Variants in UBP1 observed in about 807,000 individuals in gnomAD.
UBP1 encodes the protein upstream binding protein 1, also known as upstream-binding protein 1.
A neutral mutation model predicts 76.1 loss-of-function variants in UBP1; 22 were observed. The ratio of observed to expected loss-of-function variants is 0.29; its 90% confidence interval spans 0.21 to 0.41. UBP1 has a LOEUF of 0.41. UBP1 is among the 10% of genes least tolerant of loss of function. The pLI is 1.00. For missense variants in UBP1, 436 were observed against 668.1 expected (o/e 0.65, Z 3.83); for synonymous variants, 224 against 237.1 (o/e 0.94, Z 0.51).
chr3:33,398,702 C>T (rs1331980070), intron 11 of UBP1, among the ~76,000 whole-genome samples: 1 of 152,190 alleles, frequency 6.6e-6, no homozygotes, highest in Non-Finnish European at 1.5e-5. Context: ...GTGATCACTG[C>T]TCACAGCGAA....
chr3:33,408,023 G>C (rs1473566456), intron 8 of UBP1, among the ~76,000 whole-genome samples: 1 of 152,198 alleles, frequency 6.6e-6, no homozygotes, highest in African/African-American at 2.4e-5. Flanking sequence ...CATATTGGGG[G>C]CGGCCCAGGT....
rs1044915448 is a variant in UBP1 at position 33,406,037 on chromosome 3, G to A, written c.927+2653C>T. On this transcript the variant is annotated intron_variant, in intron 8 of 15. Coordinates refer to ENST00000283629, the MANE Select transcript of UBP1 (RefSeq NM_014517.5). ...AAAAGAAATCTAATTTAGCTGGAGA[G>A]CTTTGAATAAACTTATTGCATGGCA... Among the ~76,000 whole-genome samples the A allele has an allele frequency of 2.0e-5, 3 of 152,174 alleles. No homozygotes were observed. The East Asian group carries it at 5.8e-4, about 29-fold the overall frequency.
chr3:33,419,045 T>C (rs1043797163), intron 2 of UBP1, among the ~76,000 whole-genome samples: 17 of 152,226 alleles, frequency 1.1e-4, no homozygotes, highest in African/African-American at 3.6e-4. Context: ...TTTTCACCTA[T>C]CAGAACAGTA....
chr3:33,411,219 G>A lies in UBP1; in HGVS notation c.555+362C>T, dbSNP rs55735644. Among the ~76,000 whole-genome samples, 990 of 152,134 alleles carry A rather than the reference G, an allele frequency of 6.5e-3. 8 individuals are homozygous for A. Among genetic ancestry groups the A allele is most frequent in the Middle Eastern group, 0.034 (10 of 294 alleles). On this transcript the variant is annotated intron_variant, in intron 5 of 15. Coordinates refer to ENST00000283629, the MANE Select transcript of UBP1 (RefSeq NM_014517.5). ...GGTTTGAATTTTTCAGTATTAGAATGTTTTAAAAATAATGCTAGAAGGAAT... is the reference window on the plus strand; with the variant it reads ...GGTTTGAATTTTTCAGTATTAGAATATTTTAAAAATAATGCTAGAAGGAAT...
chr3:33,396,387 T>G (rs1448442884), intron 12 of UBP1, 107 bp from the exon 13 acceptor site: 2 of 815,334 alleles, frequency 2.5e-6, no homozygotes, highest in Non-Finnish European at 3.8e-6. Flanking sequence ...ATGAGAACTT[T>G]ATAATGTTAT....
rs570205571 is a variant in UBP1 at position 33,417,038 on chromosome 3, T to C, written c.266-204A>G. Among the ~76,000 whole-genome samples the C allele has an allele frequency of 3.8e-4, 58 of 152,200 alleles. No homozygotes were observed. In the South Asian group the frequency reaches 0.012, roughly 31 times the overall value. On this transcript the variant is annotated intron_variant, in intron 2 of 15. Coordinates refer to ENST00000283629, the MANE Select transcript of UBP1 (RefSeq NM_014517.5). Reference sequence around the variant, plus strand: ...CTAACATTATTACAGGAGACAAGAGTTTCTCTGTCAATTTATCTTCATCTG... The same window carrying C: ...CTAACATTATTACAGGAGACAAGAGCTTCTCTGTCAATTTATCTTCATCTG...
At chr3:33,429,557 G>A in intron 1 of UBP1, among the ~76,000 whole-genome samples, 1 of 152,158 alleles carries the variant, frequency 6.6e-6, no homozygotes, top group South Asian at 2.1e-4. Flanking sequence ...TTGAACTCCT[G>A]GCCTCAAGTG....
intron 1 of UBP1, among the ~76,000 whole-genome samples, chr3:33,426,321 G>A (rs905303296): frequency 1.3e-5 from 2 of 151,970 alleles, no homozygotes; most frequent in African/African-American, 2.4e-5. Flanking sequence ...AGCAGCAGTC[G>A]CAGCAGCTGC....
At chr3:33,428,824 A>C (rs1035301630) in intron 1 of UBP1, among the ~76,000 whole-genome samples, 2 of 148,240 alleles carry the variant, frequency 1.3e-5, no homozygotes, top group African/African-American at 4.9e-5. Flanking sequence ...AAAAAAAAAA[A>C]AGCCCTACGC....
chr3:33,404,273 G>C (rs1374917612), intron 8 of UBP1, among the ~76,000 whole-genome samples: 1 of 152,046 alleles, frequency 6.6e-6, no homozygotes, highest in Non-Finnish European at 1.5e-5. Context: ...TTAGCTGGGC[G>C]TAGTGGCGTG....
intron 12 of UBP1, 99 bp from the exon 13 acceptor site, chr3:33,396,379 G>A (rs2043996354): frequency 2.3e-6 from 2 of 878,874 alleles, no homozygotes; most frequent in Non-Finnish European, 1.7e-6. Flanking sequence ...ATTTCCTTAT[G>A]AGAACTTTAT....
intron 1 of UBP1, among the ~76,000 whole-genome samples, chr3:33,438,302 A>G (rs1186729989): frequency 5.9e-5 from 9 of 152,246 alleles, no homozygotes; most frequent in Admixed American, 5.2e-4. Context: ...TTACCATAAA[A>G]GAGAAGCAAC....
chr3:33,431,184 A>T (rs542655533), intron 1 of UBP1, among the ~76,000 whole-genome samples: 1 of 152,282 alleles, frequency 6.6e-6, no homozygotes. Context: ...GAATATAGGT[A>T]AAAAGAAGTT....
chr3:33,389,030 A>G lies in UBP1; in HGVS notation c.*1301T>C, dbSNP rs1337885180. ...TTAAAAAAAAAATTCAGTCCCCTAC[A>G]CCACAGGCCTCAAACATGCTTGCTG... is the stretch of plus-strand genomic sequence containing the variant. On this transcript the variant is annotated 3_prime_UTR_variant, in exon 16 of 16. Transcript: ENST00000283629. 1 of 152,444 alleles carries G rather than the reference A, an allele frequency of 6.6e-6. No homozygotes were observed. Among genetic ancestry groups the G allele is most frequent in the Non-Finnish European group, 1.5e-5 (1 of 68,020 alleles). 9.4% of individuals were successfully genotyped at this position (152,444 alleles called of 1,614,324 possible). A position where few individuals can be genotyped will look rare whatever the true frequency, so the allele number is the denominator to read the frequency against.
In UBP1 at chr3:33,409,303, A is replaced by G. The variant is rs1484340329; in HGVS notation, c.752T>C (p.Met251Thr). The change falls in exon 7 of 16, where the codon ATG (methionine) becomes ACG (threonine). Residue 251 changes from methionine to threonine, a missense_variant. Met to Thr is a moderately conservative substitution (Grantham distance 81, BLOSUM62 -1). This residue lies in a region of UBP1 where 65 missense variants were observed against 157.4 expected (regional missense o/e 0.41). Transcript: ENST00000283629. ...TTTTTCATGAGCTGTTCTCTTCTCC[A>G]TCTTCTCTCGGTCAGTTTTTTGTTT... is the stretch of plus-strand genomic sequence containing the variant. ...DRKQKTDREK[M>T]EKRTAHEKEK... 1.2e-6 allele frequency: 2 copies of G among 1,614,050 alleles called. No homozygotes were observed. The highest frequency in any genetic ancestry group is 1.7e-6 in the Non-Finnish European group (2 of 1,180,004).
chr3:33,438,416 G>C (rs1206714224), intron 1 of UBP1, among the ~76,000 whole-genome samples: 1 of 152,232 alleles, frequency 6.6e-6, no homozygotes, highest in Non-Finnish European at 1.5e-5. Context: ...CACTAGAGGA[G>C]TGCGTTTTCA....
intron 1 of UBP1, among the ~76,000 whole-genome samples, chr3:33,433,214 C>T (rs982734978): frequency 6.6e-6 from 1 of 151,196 alleles, no homozygotes; most frequent in Middle Eastern, 3.2e-3. Flanking sequence ...GTACATGCCA[C>T]CATGCCTGGC....
intron 11 of UBP1, among the ~76,000 whole-genome samples, chr3:33,399,576 A>G (rs1053025139): frequency 1.3e-5 from 2 of 152,222 alleles, no homozygotes; most frequent in African/African-American, 4.8e-5. Flanking sequence ...ATATGATTGC[A>G]TTTATATAAC....
chr3:33,390,247 A>G lies in UBP1; in HGVS notation c.*84T>C. ...GAAACATTTCATATGGTAAAATCCA[A>G]TCCCAAGACTTCTTGGATTCAGTCT... On this transcript the variant is annotated 3_prime_UTR_variant, in exon 16 of 16. Transcript: ENST00000283629. 1.4e-6 allele frequency: 2 copies of G among 1,389,448 alleles called. No homozygotes were observed. The allele number at this position is 1,389,448 out of a possible 1,614,324, so 86.1% of individuals were successfully genotyped here.
Sources: gnomAD v4.1 joint callset for allele counts (sites outside exome capture counted in the v4.1 genomes callset) on GRCh38, gnomAD v4.1.1 for gene constraint, gnomAD v4.1.1 regional missense constraint, MANE v1.5 for transcripts, NCBI Gene and HGNC (gene_info 2026-07-23, HGNC 2026-07-21) for gene names.